The following SOX6 variants were observed in gnomAD, a reference collection of about 807,000 sequenced individuals.
SOX6 encodes SRY-box transcription factor 6, also known as transcription factor SOX-6.
Under a neutral mutation model 97.8 loss-of-function variants are expected in SOX6, and 11 were observed. The observed-to-expected ratio is 0.11, with a 90% confidence interval of 0.07 to 0.19. The LOEUF (loss-of-function observed/expected upper bound fraction) is 0.19, where lower values mean the gene tolerates loss of function less well. Among genes scored for constraint, SOX6 ranks in the 10% least tolerant of loss-of-function variants. The probability of loss-of-function intolerance (pLI) is 1.00; values close to 1 mark genes in which losing one functional copy is unlikely to be tolerated. For synonymous variants in SOX6, 360 were observed against 371.4 expected (o/e 0.97, Z 0.35); for missense variants, 810 against 1,039.5 (o/e 0.78, Z 3.04).
At chr11:16,430,211 A>T (rs1016231870) in intron 1 of SOX6, among the ~76,000 whole-genome samples, 2 of 152,086 alleles carry the variant, frequency 1.3e-5, no homozygotes, top group Non-Finnish European at 2.9e-5. Context: ...TTACTTTGTC[A>T]TTGCCTACTC....
At chr11:16,201,125 AAAAAAATCCCTTT>A (rs1243336682) in intron 4 of SOX6, among the ~76,000 whole-genome samples, 2 of 152,068 alleles carry the variant, frequency 1.3e-5, no homozygotes, top group African/African-American at 4.8e-5. Flanking sequence ...CAAAAAAAAA[AAAAAAATCCCTTT>A]AAGGATTCCA....
chr11:16,167,226 G>A (rs962311856), intron 6 of SOX6, among the ~76,000 whole-genome samples: 1 of 152,090 alleles, frequency 6.6e-6, no homozygotes, highest in Non-Finnish European at 1.5e-5. Flanking sequence ...CTCAGTGAAT[G>A]TCAACTCCAT....
chr11:16,583,561 T>G (rs1848050163), intron 4 of SOX6, among the ~76,000 whole-genome samples: 1 of 136,610 alleles, frequency 7.3e-6, no homozygotes, highest in African/African-American at 2.6e-5. Context: ...TTTTTATGGA[T>G]GAATAATATT....
At chr11:16,011,628 G>C (rs946204885) in intron 13 of SOX6, among the ~76,000 whole-genome samples, 3 of 152,072 alleles carry the variant, frequency 2.0e-5, no homozygotes, top group Non-Finnish European at 4.4e-5. Flanking sequence ...TGCTTACTAA[G>C]TGATATTGTC....
At chr11:15,996,987 A>C (rs899894907) in intron 13 of SOX6, among the ~76,000 whole-genome samples, 1 of 152,198 alleles carries the variant, frequency 6.6e-6, no homozygotes, top group African/African-American at 2.4e-5. Flanking sequence ...AATCCTAAGT[A>C]AGATGGGTCA....
intron 6 of SOX6, among the ~76,000 whole-genome samples, chr11:16,176,059 A>G (rs1264537235): frequency 7.9e-6 from 1 of 125,858 alleles, no homozygotes; most frequent in Non-Finnish European, 1.7e-5. Flanking sequence ...ATGGACGGAC[A>G]GACGGACGGA....
At chr11:16,140,220 A>T (rs748180069) in intron 6 of SOX6, among the ~76,000 whole-genome samples, 1 of 152,174 alleles carries the variant, frequency 6.6e-6, no homozygotes, top group Non-Finnish European at 1.5e-5. Flanking sequence ...TCCTAATAGG[A>T]TCTTCAAACC....
intron 3 of SOX6, among the ~76,000 whole-genome samples, chr11:16,623,295 A>G (rs1295846761): frequency 6.6e-6 from 1 of 152,234 alleles, no homozygotes; most frequent in African/African-American, 2.4e-5. Flanking sequence ...TGCTAGGATT[A>G]CAGGCGTGAG....
chr11:16,635,678 CT>C (rs1331963327), intron 3 of SOX6, among the ~76,000 whole-genome samples: 1 of 152,174 alleles, frequency 6.6e-6, no homozygotes, highest in Non-Finnish European at 1.5e-5. Flanking sequence ...ACAGCTGCCC[CT>C]CCCATCACAG....
At chr11:16,135,131 T>C (rs1304081919) in intron 6 of SOX6, among the ~76,000 whole-genome samples, 1 of 152,180 alleles carries the variant, frequency 6.6e-6, no homozygotes, top group Non-Finnish European at 1.5e-5. Context: ...ACTGAATATT[T>C]AAGCCTACTG....
At chr11:16,510,357 AT>A (rs947756277) in intron 4 of SOX6, among the ~76,000 whole-genome samples, 2 of 151,584 alleles carry the variant, frequency 1.3e-5, no homozygotes, top group Non-Finnish European at 2.9e-5. Context: ...ATACCGCCCT[AT>A]TTTTTTTCCC....
intron 4 of SOX6, among the ~76,000 whole-genome samples, chr11:16,556,088 T>C (rs1428723087): frequency 1.3e-5 from 2 of 151,522 alleles, no homozygotes; most frequent in African/African-American, 2.4e-5. Context: ...ATCTCAAGCA[T>C]CTAAAAAAAG....
At chr11:16,489,402 C>T (rs1413131484) in intron 4 of SOX6, among the ~76,000 whole-genome samples, 1 of 152,070 alleles carries the variant, frequency 6.6e-6, no homozygotes, top group African/African-American at 2.4e-5. Flanking sequence ...ACAGCCCACT[C>T]ACTAGGCATA....
intron 3 of SOX6, among the ~76,000 whole-genome samples, chr11:16,253,322 G>A (rs570479232): frequency 3.3e-5 from 5 of 149,924 alleles, no homozygotes; most frequent in South Asian, 2.1e-4. Context: ...GCACTCCAGC[G>A]TAGGTAACAA....
At chr11:16,687,390 A>G (rs74903071) in intron 3 of SOX6, among the ~76,000 whole-genome samples, 1 of 152,310 alleles carries the variant, frequency 6.6e-6, no homozygotes, top group Non-Finnish European at 1.5e-5. Flanking sequence ...CACTACCATG[A>G]TGATGGCATC....
chr11:16,268,922 C>T (rs1311119953), intron 3 of SOX6, among the ~76,000 whole-genome samples: 1 of 150,484 alleles, frequency 6.6e-6, no homozygotes, highest in Non-Finnish European at 1.5e-5. Flanking sequence ...CATGCAAATA[C>T]TTTTATTTGT....
intron 3 of SOX6, among the ~76,000 whole-genome samples, chr11:16,661,124 C>T (rs1030500827): frequency 1.3e-5 from 2 of 152,184 alleles, no homozygotes; most frequent in African/African-American, 4.8e-5. Flanking sequence ...TGCAATTTGA[C>T]ACTTTGTTAT....
intron 6 of SOX6, among the ~76,000 whole-genome samples, chr11:16,148,712 C>G (rs1006808422): frequency 3.9e-5 from 6 of 152,124 alleles, no homozygotes; most frequent in African/African-American, 1.4e-4. Flanking sequence ...TAATGCCTCT[C>G]TCTCCTTACT....
intron 1 of SOX6, among the ~76,000 whole-genome samples, chr11:16,400,848 T>C (rs1858537599): frequency 6.6e-6 from 1 of 151,454 alleles, no homozygotes; most frequent in Non-Finnish European, 1.5e-5. Flanking sequence ...TATGAAATAA[T>C]AAGGTAAAAT....
Sources: gnomAD v4.1 joint callset for allele counts (sites outside exome capture counted in the v4.1 genomes callset) on GRCh38, gnomAD v4.1.1 for gene constraint, MANE v1.5 for transcripts, NCBI Gene and HGNC (gene_info 2026-07-23, HGNC 2026-07-21) for gene names.